ANKS1B: variants seen among roughly 807,000 people sequenced by gnomAD.
ANKS1B encodes the protein ankyrin repeat and sterile alpha motif domain containing 1B.
In ANKS1B, 36 loss-of-function variants were observed where a neutral mutation model predicts 148.3. The ratio of observed to expected loss-of-function variants is 0.24; its 90% CI spans 0.19 to 0.32. ANKS1B has a LOEUF of 0.32. Ranked by LOEUF, ANKS1B falls within the 10% of genes least tolerant of loss-of-function variation. The probability of loss-of-function intolerance (pLI) is 1.00; values close to 1 mark genes in which losing one functional copy is unlikely to be tolerated. For synonymous variants in ANKS1B, 542 were observed against 560.8 expected (o/e 0.97, Z 0.47); for missense variants, 1,157 against 1,542.6 (o/e 0.75, Z 4.19).
At chr12:99,040,238 TTC>T (rs2099958064) in intron 17 of ANKS1B, among the ~76,000 whole-genome samples, 1 of 152,052 alleles carries the variant, frequency 6.6e-6, no homozygotes, top group Non-Finnish European at 1.5e-5. Flanking sequence ...ACCCTCTCTG[TTC>T]TCTCTCACTC....
chr12:98,735,703 A>C (rs1282978723), intron 9 of ANKS1B: 1 of 675,478 alleles, frequency 1.5e-6, no homozygotes, highest in Non-Finnish European at 2.8e-6. Flanking sequence ...AAATATTGAG[A>C]TGTACCATGT....
intron 22 of ANKS1B, chr12:98,795,759 T>C (rs2153571740): frequency 2.4e-6 from 1 of 408,532 alleles, no homozygotes; most frequent in African/African-American, 2.1e-5. Flanking sequence ...GTCTCTGGAT[T>C]CACAGTGTGG....
intron 17 of ANKS1B, among the ~76,000 whole-genome samples, chr12:98,841,131 A>G (rs201398): frequency 0.35 from 53,628 of 152,090 alleles, 11,241 homozygotes; most frequent in East Asian, 0.62. Flanking sequence ...TTCTAACTTT[A>G]TTTCCTTTCA....
intron 10 of ANKS1B, among the ~76,000 whole-genome samples, chr12:99,493,770 T>C (rs1319901053): frequency 6.6e-6 from 1 of 152,130 alleles, no homozygotes; most frequent in African/African-American, 2.4e-5. Context: ...AAGGTTGAGG[T>C]GCCCTTGGAG....
intron 1 of ANKS1B, among the ~76,000 whole-genome samples, chr12:99,925,543 G>T (rs1014643822): frequency 1.3e-5 from 2 of 152,124 alleles, no homozygotes; most frequent in South Asian, 4.2e-4. Context: ...TAGTGGTTCT[G>T]GGTGTGATAG....
chr12:99,160,186 C>G (rs965765933), intron 14 of ANKS1B, among the ~76,000 whole-genome samples: 2 of 152,114 alleles, frequency 1.3e-5, no homozygotes, highest in African/African-American at 4.8e-5. Flanking sequence ...TCTTTTTACT[C>G]TGTTGATAAT....
intron 9 of ANKS1B, among the ~76,000 whole-genome samples, chr12:99,525,788 AC>A (rs1194163591): frequency 2.0e-5 from 3 of 152,130 alleles, no homozygotes; most frequent in Admixed American, 6.5e-5. Flanking sequence ...AGAAGCTACA[AC>A]CAGACACATA....
chr12:99,477,917 T>C (rs2096351614), intron 10 of ANKS1B, among the ~76,000 whole-genome samples: 1 of 152,160 alleles, frequency 6.6e-6, no homozygotes, highest in South Asian at 2.1e-4. Context: ...CAGTGATGTT[T>C]GTTGCAGTTT....
intron 17 of ANKS1B, among the ~76,000 whole-genome samples, chr12:98,952,605 G>A (rs1367078334): frequency 1.3e-5 from 2 of 152,082 alleles, no homozygotes; most frequent in Non-Finnish European, 2.9e-5. Context: ...CCTGCCTCGT[G>A]GTTTCAATGA....
intron 1 of ANKS1B, among the ~76,000 whole-genome samples, chr12:99,944,000 G>A (rs2094988932): frequency 6.6e-6 from 1 of 151,138 alleles, no homozygotes; most frequent in African/African-American, 2.4e-5. Context: ...TCCCCTCCCT[G>A]TGCCCATATG....
At chr12:98,930,658 G>GA (rs2099812856) in intron 17 of ANKS1B, among the ~76,000 whole-genome samples, 1 of 147,672 alleles carries the variant, frequency 6.8e-6, no homozygotes, top group Non-Finnish European at 1.5e-5. Flanking sequence ...CACTCTAATT[G>GA]AAAAAAACTA....
intron 2 of ANKS1B, among the ~76,000 whole-genome samples, chr12:99,814,558 C>T (rs2068859279): frequency 2.0e-5 from 3 of 151,672 alleles, no homozygotes; most frequent in Admixed American, 1.3e-4. Context: ...TCCATTCTGA[C>T]ATAAATAAAT....
intron 15 of ANKS1B, among the ~76,000 whole-genome samples, chr12:99,085,365 TAAATA>T (rs2051302091): frequency 6.7e-6 from 1 of 148,184 alleles, no homozygotes; most frequent in Non-Finnish European, 1.5e-5. Context: ...TAAAAATAAA[TAAATA>T]AAAAAAGATC....
At chr12:99,447,085 T>C (rs996662157) in intron 10 of ANKS1B, among the ~76,000 whole-genome samples, 6 of 151,986 alleles carry the variant, frequency 3.9e-5, no homozygotes, top group Non-Finnish European at 7.4e-5. Flanking sequence ...TACAAAGCTA[T>C]AATAATCAAA....
At chr12:99,647,707 A>G (rs887875849) in intron 9 of ANKS1B, 2 of 167,774 alleles carry the variant, frequency 1.2e-5, no homozygotes, top group African/African-American at 4.8e-5. Flanking sequence ...GGGGCAGGTC[A>G]CAATGGGTAG....
chr12:99,203,210 G>C (rs1413860774), intron 14 of ANKS1B, among the ~76,000 whole-genome samples: 2 of 152,160 alleles, frequency 1.3e-5, no homozygotes, highest in Admixed American at 6.5e-5. Flanking sequence ...CAGGAGGGTA[G>C]GGTGAGCTCC....
rs1476511529 is a variant in ANKS1B, at chr12:99,358,104, CA to C, written c.1756+41526del. On this transcript the variant is annotated intron_variant, in intron 12 of 26. Transcript: ENST00000683438. ...TTCCTTTTATTGTTAAGATAGTTAC[CA>C]TTTTTTTAATTTTTATATAGGTTAA... Among the ~76,000 whole-genome samples, 13 of 151,948 alleles carry C rather than the reference CA, an allele frequency of 8.6e-5. No homozygotes were observed. In the South Asian group the frequency reaches 1.5e-3, roughly 17 times the overall value.
At chr12:98,768,461 A>C (rs10860365) in intron 25 of ANKS1B, among the ~76,000 whole-genome samples, 1 of 130,034 alleles carries the variant, frequency 7.7e-6, no homozygotes. Context: ...AAGGCCGGGC[A>C]CGGTGGCTCA....
At chr12:99,501,640 C>T (rs894880741) in intron 10 of ANKS1B, among the ~76,000 whole-genome samples, 5 of 152,102 alleles carry the variant, frequency 3.3e-5, no homozygotes, top group African/African-American at 1.2e-4. Context: ...CCCTTGGAAT[C>T]CTAGTTCTAT....
Sources: allele counts gnomAD v4.1 joint callset (sites outside exome capture counted in the v4.1 genomes callset), GRCh38; gene constraint gnomAD v4.1.1; transcripts MANE v1.5; gene names NCBI Gene and HGNC (gene_info 2026-07-23, HGNC 2026-07-21).